Variants in BICC1 observed in about 807,000 individuals in gnomAD.
The protein encoded by BICC1 is protein bicaudal C homolog 1.
In BICC1, 43 loss-of-function variants were observed where a neutral mutation model predicts 111.0. The observed-to-expected ratio is 0.39, with a 90% CI of 0.30 to 0.50. BICC1 has a LOEUF of 0.50. Among genes scored for constraint, BICC1 ranks in the 20% least tolerant of loss-of-function variants. The probability of loss-of-function intolerance (pLI) is 0.88; values close to 1 mark genes in which losing one functional copy is unlikely to be tolerated. For synonymous variants in BICC1, 467 were observed against 434.4 expected, an observed-to-expected ratio of 1.07 and a Z score of -0.93; for missense variants, 1,091 against 1,203.2, an observed-to-expected ratio of 0.91 and a Z score of 1.38.
chr10:58,639,719 A>ATTTTTTT (rs71033694), intron 2 of BICC1, among the ~76,000 whole-genome samples: 1 of 93,178 alleles, frequency 1.1e-5, no homozygotes, highest in Non-Finnish European at 2.0e-5. Flanking sequence ...GCCCGGCCAA[A>ATTTTTTT]TTTTTTTTTT....
chr10:58,599,466 TAGGG>T (rs1442686619), intron 1 of BICC1, among the ~76,000 whole-genome samples: 3 of 151,898 alleles, frequency 2.0e-5, no homozygotes. Context: ...CACATGGACA[TAGGG>T]AGGGGAACAT....
At chr10:58,776,753 A>T (rs1042206754) in intron 3 of BICC1, among the ~76,000 whole-genome samples, 3 of 152,108 alleles carry the variant, frequency 2.0e-5, no homozygotes, top group Non-Finnish European at 4.4e-5. Flanking sequence ...TTTCTGTAGA[A>T]CTGTTATATA....
intron 3 of BICC1, among the ~76,000 whole-genome samples, chr10:58,702,528 C>T (rs1164193869): frequency 6.6e-6 from 1 of 150,926 alleles, no homozygotes; most frequent in Non-Finnish European, 1.5e-5. Flanking sequence ...TTTTTTCCCT[C>T]CAGTATGATA....
chr10:58,801,351 T>C (rs1843541537), intron 14 of BICC1, among the ~76,000 whole-genome samples: 1 of 152,158 alleles, frequency 6.6e-6, no homozygotes, highest in Admixed American at 6.5e-5. Context: ...CCATTTTTAT[T>C]CTCTGATTTT....
At chr10:58,593,807 C>G (rs762986492) in intron 1 of BICC1, among the ~76,000 whole-genome samples, 1 of 152,010 alleles carries the variant, frequency 6.6e-6, no homozygotes, top group African/African-American at 2.4e-5. Flanking sequence ...AAAACCAGAA[C>G]GCCTCTTCTC....
At position 58,640,068 on chromosome 10, in the gene BICC1, G is replaced by A. The variant is rs561427773; in HGVS notation, c.237+19167G>A. On this transcript the variant is annotated intron_variant, in intron 2 of 20. Coordinates refer to ENST00000373886, the MANE Select transcript of BICC1 (RefSeq NM_001080512.3). ...GTTAACCAAATTTTGGACAGAAATG[G>A]TAATTTTTCAGTAAGCATAAGATAA... 2.0e-5 allele frequency among the ~76,000 whole-genome samples: 3 copies of A among 152,116 alleles called. No homozygotes were observed. The East Asian group carries it at 5.8e-4, about 29-fold the overall frequency.
intron 2 of BICC1, among the ~76,000 whole-genome samples, chr10:58,634,173 A>C (rs1837885141): frequency 6.6e-6 from 1 of 151,626 alleles, no homozygotes; most frequent in African/African-American, 2.4e-5. Flanking sequence ...TTGTATTTTT[A>C]GTAGAAACAG....
chr10:58,823,987 T>C (rs949024086), intron 20 of BICC1: 2 of 985,300 alleles, frequency 2.0e-6, no homozygotes, highest in African/African-American at 3.5e-5. Context: ...TGCATGTGTC[T>C]TTTGCTTGTA....
chr10:58,699,031 G>A (rs1840150777), intron 2 of BICC1, among the ~76,000 whole-genome samples: 1 of 152,232 alleles, frequency 6.6e-6, no homozygotes, highest in South Asian at 2.1e-4. Context: ...GGCATTAGCT[G>A]GCCACAAATG....
chr10:58,531,887 C>T (rs1842690636), intron 1 of BICC1, among the ~76,000 whole-genome samples: 1 of 151,004 alleles, frequency 6.6e-6, no homozygotes, highest in South Asian at 2.1e-4. Context: ...GTCAGAGGAA[C>T]AAAAAGAAAA....
intron 20 of BICC1, among the ~76,000 whole-genome samples, chr10:58,822,274 A>C (rs192822399): frequency 1.4e-3 from 216 of 152,160 alleles, no homozygotes; most frequent in African/African-American, 4.8e-3. Flanking sequence ...ATATAGTGAA[A>C]ACTAAGTTCA....
chr10:58,687,087 C>G (rs1358328029), intron 2 of BICC1, among the ~76,000 whole-genome samples: 6 of 152,050 alleles, frequency 3.9e-5, no homozygotes, highest in Middle Eastern at 3.2e-3. Flanking sequence ...AGTTTTCTTT[C>G]TTACAGTCAG....
At chr10:58,570,260 G>T (rs1248112004) in intron 1 of BICC1, among the ~76,000 whole-genome samples, 3 of 152,228 alleles carry the variant, frequency 2.0e-5, no homozygotes. Context: ...AATAGATGTA[G>T]TATCCAGTTC....
chr10:58,782,399 TA>T (rs1842905655), intron 3 of BICC1, among the ~76,000 whole-genome samples: 1 of 152,218 alleles, frequency 6.6e-6, no homozygotes, highest in African/African-American at 2.4e-5. Context: ...GACCAATACA[TA>T]AATGACTACA....
chr10:58,596,566 T>C (rs1405116693), intron 1 of BICC1, among the ~76,000 whole-genome samples: 1 of 152,096 alleles, frequency 6.6e-6, no homozygotes, highest in Non-Finnish European at 1.5e-5. Flanking sequence ...GCCAGGGCAA[T>C]CAGGCAAGAG....
chr10:58,764,627 T>C (rs1842407069), intron 3 of BICC1, among the ~76,000 whole-genome samples: 1 of 124,972 alleles, frequency 8.0e-6, no homozygotes, highest in Admixed American at 9.3e-5. Flanking sequence ...ACTAATTTCC[T>C]TCTTTTTTTT....
chr10:58,683,555 G>C (rs1210326556), intron 2 of BICC1, among the ~76,000 whole-genome samples: 2 of 151,948 alleles, frequency 1.3e-5, no homozygotes, highest in African/African-American at 2.4e-5. Flanking sequence ...CTTTTATTTC[G>C]TTGAGCAGTG....
intron 3 of BICC1, chr10:58,716,305 G>T: frequency 6.8e-7 from 1 of 1,468,508 alleles, no homozygotes; most frequent in Non-Finnish European, 9.1e-7. Flanking sequence ...GAAAAATCAG[G>T]ATTCCCTTAT....
At chr10:58,742,544 T>A (rs1841703198) in intron 3 of BICC1, among the ~76,000 whole-genome samples, 1 of 149,554 alleles carries the variant, frequency 6.7e-6, no homozygotes, top group African/African-American at 2.5e-5. Context: ...GTCAAGCAGC[T>A]CTCCTGCCCC....
Sources: allele counts gnomAD v4.1 joint callset (sites outside exome capture counted in the v4.1 genomes callset), GRCh38; gene constraint gnomAD v4.1.1; transcripts MANE v1.5; gene names NCBI Gene and HGNC (gene_info 2026-07-23, HGNC 2026-07-21).